ASXL2: variants seen among roughly 807,000 people sequenced by gnomAD.
ASXL2 encodes the protein putative Polycomb group protein ASXL2.
In ASXL2, 23 loss-of-function variants were observed where a neutral mutation model predicts 122.0. That is an observed-to-expected ratio of 0.19 (90% CI 0.14 to 0.27). ASXL2 has a LOEUF of 0.27. Ranked by LOEUF, ASXL2 falls within the 10% of genes least tolerant of loss-of-function variation. The pLI is 1.00. For synonymous variants in ASXL2, 650 were observed against 637.0 expected (o/e 1.02, Z -0.31); for missense variants, 1,518 against 1,713.8 (o/e 0.89, Z 2.02).
chr2:25,860,637 G>A (rs1391709220), intron 1 of ASXL2, among the ~76,000 whole-genome samples: 1 of 151,842 alleles, frequency 6.6e-6, no homozygotes, highest in East Asian at 1.9e-4. Context: ...CTTGAACCCG[G>A]ATGGCAGAGG....
In ASXL2 at chr2:25,878,039, C is replaced by G. The variant is rs2149206648; in HGVS notation, c.57+127G>C. On this transcript the variant is annotated intron_variant, in intron 1 of 12. Transcript: ENST00000435504. ...ATCGCAACCCCGACACTAACCGCCG[C>G]CCTCTCCGCGCGGTTTTGTGCCCCT... 7.6e-6 allele frequency: 9 copies of G among 1,190,070 alleles called. No individual in the cohort carries two copies. The South Asian group carries it at 1.1e-4, about 14-fold the overall frequency. The allele number at this position is 1,190,070 out of a possible 1,614,324, so 73.7% of individuals were successfully genotyped here.
intron 12 of ASXL2, 115 bp downstream of exon 12, chr2:25,749,581 T>C (rs542784370): frequency 1.9e-4 from 147 of 793,364 alleles, no homozygotes; most frequent in Non-Finnish European, 2.5e-4. Context: ...TTATCAAATA[T>C]ATCCAACTGC....
intron 6 of ASXL2, among the ~76,000 whole-genome samples, chr2:25,770,806 G>C (rs987774295): frequency 6.6e-6 from 1 of 152,164 alleles, no homozygotes; most frequent in African/African-American, 2.4e-5. Flanking sequence ...AAATCTATGT[G>C]ATCATCTCAA....
At chr2:25,764,372 GAGA>G (rs1574403623) in intron 8 of ASXL2, among the ~76,000 whole-genome samples, 1 of 152,244 alleles carries the variant, frequency 6.6e-6, no homozygotes, top group South Asian at 2.1e-4. Context: ...ACATTGGAAG[GAGA>G]AGAACTGTTG....
chr2:25,746,193 A>C (rs937465886), intron 12 of ASXL2, among the ~76,000 whole-genome samples: 9 of 152,230 alleles, frequency 5.9e-5, no homozygotes, highest in African/African-American at 1.9e-4. Context: ...TAAATTAAGA[A>C]TAATAAAGTC....
chr2:25,818,468 G>C (rs776629872), intron 3 of ASXL2, among the ~76,000 whole-genome samples: 2 of 152,178 alleles, frequency 1.3e-5, no homozygotes, highest in Non-Finnish European at 2.9e-5. Flanking sequence ...CCGAGATCAT[G>C]CCACTGTACT....
At chr2:25,803,272 T>A (rs768050882) in intron 4 of ASXL2, among the ~76,000 whole-genome samples, 55 of 152,220 alleles carry the variant, frequency 3.6e-4, no homozygotes, top group Non-Finnish European at 6.9e-4. Context: ...ATCTTATCCA[T>A]CTGGCCATTC....
intron 9 of ASXL2, among the ~76,000 whole-genome samples, chr2:25,757,910 T>A (rs1008075625): frequency 3.1e-4 from 31 of 99,182 alleles, no homozygotes; most frequent in African/African-American, 1.3e-3. Flanking sequence ...CTAACAACCC[T>A]GAGTCTTTAA....
At chr2:25,789,651 G>GT (rs2088801185) in intron 5 of ASXL2, among the ~76,000 whole-genome samples, 1 of 152,070 alleles carries the variant, frequency 6.6e-6, no homozygotes. Context: ...AAATTTTTGA[G>GT]TGCCAACACG....
chr2:25,849,064 C>CATACATATATATATATATATATATATAT (rs1553705440), intron 1 of ASXL2, among the ~76,000 whole-genome samples: 10 of 86,514 alleles, frequency 1.2e-4, no homozygotes, highest in Non-Finnish European at 1.8e-4. Context: ...AAAAAATTTA[C>CATACATATATATATATATATATATATAT]ATATATATAT....
intron 9 of ASXL2, among the ~76,000 whole-genome samples, chr2:25,757,032 T>C (rs2088146494): frequency 6.6e-6 from 1 of 152,178 alleles, no homozygotes; most frequent in Non-Finnish European, 1.5e-5. Flanking sequence ...TAACCCCAAA[T>C]CTGCTTTCTG....
chr2:25,781,958 G>GATT (rs1559509560), intron 5 of ASXL2, among the ~76,000 whole-genome samples: 2 of 58,548 alleles, frequency 3.4e-5, no homozygotes, highest in Non-Finnish European at 4.4e-5. Context: ...CACCGCCCGG[G>GATT]CTTTTTTCTT....
intron 1 of ASXL2, 127 bp downstream of exon 1, chr2:25,878,039 C>T: frequency 8.4e-7 from 1 of 1,190,070 alleles, no homozygotes. Flanking sequence ...CTAACCGCCG[C>T]CCTCTCCGCG....
chr2:25,853,916 T>C (rs1247174961), intron 1 of ASXL2, among the ~76,000 whole-genome samples: 2 of 152,082 alleles, frequency 1.3e-5, no homozygotes, highest in African/African-American at 4.8e-5. Flanking sequence ...CAGACACTAG[T>C]AAAAATGCCT....
intron 3 of ASXL2, among the ~76,000 whole-genome samples, chr2:25,816,073 C>T (rs992055587): frequency 6.6e-6 from 1 of 152,052 alleles, no homozygotes; most frequent in Non-Finnish European, 1.5e-5. Flanking sequence ...CTCAGATACT[C>T]AGAAACATCT....
chr2:25,736,755 TAA>T lies in ASXL2; in HGVS notation c.*5272_*5273del, dbSNP rs905032387. ...AATTATGGGAACTAGTGAACTACAA[TAA>T]AAAGTCAGTTTTATGGGTCATCAAG... is the stretch of plus-strand genomic sequence containing the variant. On this transcript the variant is annotated 3_prime_UTR_variant, in exon 13 of 13. Coordinates refer to ENST00000435504, the MANE Select transcript of ASXL2 (RefSeq NM_018263.6). 4.6e-5 allele frequency: 7 copies of T among 152,150 alleles called. No individual in the cohort carries two copies. The highest frequency in any genetic ancestry group is 1.7e-4 in the African/African-American group (7 of 41,516). 9.4% of individuals were successfully genotyped at this position (152,150 alleles called of 1,614,324 possible).
chr2:25,756,177 G>T, intron 9 of ASXL2, 63 bp from the exon 10 acceptor site: 2 of 953,610 alleles, frequency 2.1e-6, no homozygotes, highest in South Asian at 2.2e-5. Context: ...CGTCGTATTT[G>T]ACCTTCCTTT....
chr2:25,757,839 G>A (rs1207890540), intron 9 of ASXL2, among the ~76,000 whole-genome samples: 3 of 149,820 alleles, frequency 2.0e-5, no homozygotes, highest in African/African-American at 7.4e-5. Context: ...TAGTTCTGAG[G>A]AACCAGCATT....
chr2:25,790,030 A>T (rs2088807708), intron 5 of ASXL2, among the ~76,000 whole-genome samples: 1 of 152,128 alleles, frequency 6.6e-6, no homozygotes, highest in African/African-American at 2.4e-5. Context: ...AAGGGACAAG[A>T]TCATTTCATA....
Sources: allele counts gnomAD v4.1 joint callset (sites outside exome capture counted in the v4.1 genomes callset), GRCh38; gene constraint gnomAD v4.1.1; transcripts MANE v1.5; gene names NCBI Gene and HGNC (gene_info 2026-07-23, HGNC 2026-07-21).